Variants in ZNF84 observed in about 807,000 individuals in gnomAD.
ZNF84 encodes the protein zinc finger protein HPF2.
ZNF84 carries 12 observed loss-of-function variants against 14.8 expected under a neutral mutation model. That is an observed-to-expected ratio of 0.81 (90% CI 0.52 to 1.31). The LOEUF is 1.31. Ranked by LOEUF, ZNF84 falls within the 50% of genes most tolerant of loss-of-function variation. The pLI, the probability that ZNF84 is intolerant of heterozygous loss-of-function variation, is 0.00. For missense variants in ZNF84, 859 were observed against 878.6 expected, an observed-to-expected ratio of 0.98 and a Z score of 0.28; for synonymous variants, 347 against 291.1, an observed-to-expected ratio of 1.19 and a Z score of -1.96.
rs1448209124 is a variant in ZNF84 at position 133,054,732 on chromosome 12, A to G, written c.239-2222A>G. 5.3e-5 allele frequency among the ~76,000 whole-genome samples: 8 copies of G among 152,096 alleles called. No homozygotes were observed. The East Asian group carries it at 1.5e-3, about 29-fold the overall frequency. On this transcript the variant is annotated intron_variant, in intron 4 of 4. Transcript: ENST00000539354. ...AGATATGTACAACTATTATTTTTCAATTAAAAATACAATTTTTTTTAAATT... is the reference window on the plus strand; with the variant it reads ...AGATATGTACAACTATTATTTTTCAGTTAAAAATACAATTTTTTTTAAATT...
intron 2 of ZNF84, among the ~76,000 whole-genome samples, chr12:133,043,858 G>A (rs614810): frequency 0.93 from 140,839 of 151,774 alleles, 65,567 homozygotes; most frequent in East Asian, 1. Flanking sequence ...GGTTCGAGCA[G>A]TTCTCCTGCC....
rs1218475125 is a variant in ZNF84, at chr12:133,060,494, ATAGCT to A, written c.*1567_*1571del. The A allele has an allele frequency of 5.9e-5, 9 of 152,210 alleles. No individual in the cohort carries two copies. Among genetic ancestry groups the A allele is most frequent in the African/African-American group, 2.2e-4 (9 of 41,458 alleles). 9.4% of individuals were successfully genotyped at this position (152,210 alleles called of 1,614,324 possible). On this transcript the variant is annotated 3_prime_UTR_variant, in exon 5 of 5. Transcript: ENST00000539354. ...TAATACACCCAACTTACCAAACATC[ATAGCT>A]TAGCGTAGCCTACCTTAAACATTCT...
intron 2 of ZNF84, among the ~76,000 whole-genome samples, chr12:133,046,345 C>T (rs951311795): frequency 2.8e-4 from 33 of 119,782 alleles, no homozygotes; most frequent in African/African-American, 9.9e-4. Context: ...TCAGTCCTCA[C>T]AGTTTTTTTT....
chr12:133,040,963 C>T (rs1344116068), intron 1 of ZNF84: 1 of 153,300 alleles, frequency 6.5e-6, no homozygotes, highest in Non-Finnish European at 1.5e-5. Context: ...AAACTCAAAT[C>T]TGTTTTAATA....
Position 133,058,386 on chromosome 12 carries a change from T to G in ZNF84, c.1671T>G (p.Ser557Arg). Residue 557 changes from serine to arginine, a missense_variant, in exon 5 of 5, where the codon AGT becomes AGG. Transcript: ENST00000539354. Reference protein sequence around the residue: ...ECGKAFGEKSSLATHQRTHTG... With the variant: ...ECGKAFGEKSRLATHQRTHTG... The stretch of plus-strand genomic sequence containing the variant: ...GGAAGGCCTTTGGTGAGAAGTCAAG[T>G]CTTGCAACTCATCAGAGAACTCATA... 1.9e-6 allele frequency: 3 copies of G among 1,612,700 alleles called. No individual in the cohort carries two copies. Among genetic ancestry groups the G allele is most frequent in the East Asian group, 4.5e-5 (2 of 44,722 alleles).
rs1954026820 is a variant in ZNF84, at chr12:133,048,780, T to A, written c.170T>A (p.Ile57Asn). The A allele has an allele frequency of 6.2e-7, 1 of 1,613,722 alleles. No homozygotes were observed. The highest frequency in any genetic ancestry group is 2.2e-5 in the East Asian group (1 of 44,854). Residue 57 changes from isoleucine to asparagine, a missense_variant, in exon 4 of 5, where the codon ATC becomes AAC. Transcript: ENST00000539354. ...TATGAAGTTATGAAACCAGATGTCATCTTCAAATTGGAGCAAGGAGAAGAG... is the reference window on the plus strand; with the variant it reads ...TATGAAGTTATGAAACCAGATGTCAACTTCAAATTGGAGCAAGGAGAAGAG... ...LGYEVMKPDV[I>N]FKLEQGEEPW...
rs1389986594 is a variant in ZNF84, at chr12:133,060,162, CTA to C, written c.*1232_*1233del. 4 of 152,052 alleles carry C rather than the reference CTA, an allele frequency of 2.6e-5. No homozygotes were observed. The highest frequency in any genetic ancestry group is 4.4e-5 in the Non-Finnish European group (3 of 68,006). 9.4% of individuals were successfully genotyped at this position (152,052 alleles called of 1,614,324 possible). On this transcript the variant is annotated 3_prime_UTR_variant, in exon 5 of 5. Coordinates refer to ENST00000539354, the MANE Select transcript of ZNF84 (RefSeq NM_001289971.2). ...TAAGTGATATGTAACCCAAATGTCA[CTA>C]TTTTAATTTACTGTGATAAAGTATC...
Position 133,041,381 on chromosome 12 carries a change from T to C in ZNF84, c.-87T>C. ...CAGTGTAGAAGACCTAGCTGAGACC[T>C]CACTCCACAGTTTTGGGGCAGAAGC... is the stretch of plus-strand genomic sequence containing the variant. On this transcript the variant is annotated 5_prime_UTR_variant, in exon 2 of 5. Transcript: ENST00000539354. 7.3e-7 allele frequency: 1 copy of C among 1,368,246 alleles called. No individual in the cohort carries two copies. The highest frequency in any genetic ancestry group is 1.2e-5 in the South Asian group (1 of 84,738). The allele number at this position is 1,368,246 out of a possible 1,614,324, so 84.8% of individuals were successfully genotyped here. A position where few individuals can be genotyped will look rare whatever the true frequency, so the allele number is the denominator to read the frequency against.
chr12:133,060,953 A>T lies in ZNF84; in HGVS notation c.*2021A>T, dbSNP rs1462225975. The T allele has an allele frequency of 6.6e-6, 1 of 152,164 alleles. No homozygotes were observed. Among genetic ancestry groups the T allele is most frequent in the African/African-American group, 2.4e-5 (1 of 41,456 alleles). 9.4% of individuals were successfully genotyped at this position (152,164 alleles called of 1,614,324 possible). A position where few individuals can be genotyped will look rare whatever the true frequency, so the allele number is the denominator to read the frequency against. On this transcript the variant is annotated 3_prime_UTR_variant, in exon 5 of 5. Coordinates refer to ENST00000539354, the MANE Select transcript of ZNF84 (RefSeq NM_001289971.2). Reference sequence around the variant, plus strand: ...AGAAAAACTCAAGACTTCTCCTTTTATGTTCAAATTGTTGTATCAGTATGG... The same window carrying T: ...AGAAAAACTCAAGACTTCTCCTTTTTTGTTCAAATTGTTGTATCAGTATGG...
rs1377345827 is a variant in ZNF84 at position 133,059,880 on chromosome 12, T to C, written c.*948T>C. 2 of 152,236 alleles carry C rather than the reference T, an allele frequency of 1.3e-5. No homozygotes were observed. Among genetic ancestry groups the C allele is most frequent in the African/African-American group, 4.8e-5 (2 of 41,474 alleles). 9.4% of individuals were successfully genotyped at this position (152,236 alleles called of 1,614,324 possible). On this transcript the variant is annotated 3_prime_UTR_variant, in exon 5 of 5. Transcript: ENST00000539354. Reference sequence around the variant, plus strand: ...ATACATAAGGGGTCTTTTGTTTTTATGGACCTTTCTATTCAGTAACTGAAG... The same window carrying C: ...ATACATAAGGGGTCTTTTGTTTTTACGGACCTTTCTATTCAGTAACTGAAG...
intron 2 of ZNF84, among the ~76,000 whole-genome samples, chr12:133,043,096 C>T (rs1418779563): frequency 6.6e-6 from 1 of 152,186 alleles, no homozygotes; most frequent in African/African-American, 2.4e-5. Context: ...TGTATGCTCA[C>T]TTCTGTCTTC....
chr12:133,050,462 A>G (rs1954052133), intron 4 of ZNF84: 1 of 398,628 alleles, frequency 2.5e-6, no homozygotes, highest in Non-Finnish European at 4.4e-6. Flanking sequence ...GGTAGGAATC[A>G]TGTCAGAGTA....
At chr12:133,040,987 CTG>C (rs2137325234) in intron 1 of ZNF84, 1 of 156,248 alleles carries the variant, frequency 6.4e-6, no homozygotes, top group Non-Finnish European at 1.4e-5. Flanking sequence ...ATCATATAAA[CTG>C]TGTTTTTCCT....
Position 133,058,319 on chromosome 12 carries a change from G to A in ZNF84, c.1604G>A (p.Arg535Lys), listed in dbSNP as rs1954197891. 6.2e-7 allele frequency: 1 copy of A among 1,613,892 alleles called. No individual in the cohort carries two copies. The highest frequency in any genetic ancestry group is 1.3e-5 in the African/African-American group (1 of 74,864). Residue 535 changes from arginine to lysine, a missense_variant, in exon 5 of 5, where the codon AGG (arginine) becomes AAG (lysine). By Grantham distance (26) the Arg-to-Lys change is conservative. Transcript: ENST00000539354. ...AAGTCACATCTCATATCACATCAGA[G>A]GACACATACAGGGGAGAAACCCTAT... ...CQKSHLISHQ[R>K]THTGEKPYEC...
chr12:133,038,969 A>G (rs1339413361), intron 1 of ZNF84: 1 of 152,240 alleles, frequency 6.6e-6, no homozygotes, highest in African/African-American at 2.4e-5. Context: ...ATTGTATGAA[A>G]AATATCACAA....
intron 4 of ZNF84, chr12:133,050,558 C>T (rs1032569097): frequency 1.3e-5 from 5 of 398,512 alleles, no homozygotes; most frequent in African/African-American, 8.2e-5. Flanking sequence ...GCTGCCTGTT[C>T]AGTTATTTCT....
At chr12:133,039,358 G>C (rs1216464708) in intron 1 of ZNF84, among the ~76,000 whole-genome samples, 9 of 152,184 alleles carry the variant, frequency 5.9e-5, no homozygotes, top group African/African-American at 1.9e-4. Flanking sequence ...GGGAATAGGA[G>C]CTGACTCCAG....
rs777391836 is a variant in ZNF84 at position 133,041,351 on chromosome 12, A to G, written c.-117A>G. On this transcript the variant is annotated 5_prime_UTR_variant, in exon 2 of 5. Coordinates refer to ENST00000539354, the MANE Select transcript of ZNF84 (RefSeq NM_001289971.2). ...AAGGAGTTCCTGGAACCAGGAATTCATTCTCAGTGTAGAAGACCTAGCTGA... is the reference window on the plus strand; with the variant it reads ...AAGGAGTTCCTGGAACCAGGAATTCGTTCTCAGTGTAGAAGACCTAGCTGA... 2 of 958,078 alleles carry G rather than the reference A, an allele frequency of 2.1e-6. No homozygotes were observed. Among genetic ancestry groups the G allele is most frequent in the Non-Finnish European group, 3.3e-6 (2 of 604,570 alleles). The allele number at this position is 958,078 out of a possible 1,614,324, so 59.3% of individuals were successfully genotyped here.
At chr12:133,043,110 C>A (rs1953914407) in intron 2 of ZNF84, among the ~76,000 whole-genome samples, 1 of 152,170 alleles carries the variant, frequency 6.6e-6, no homozygotes, top group Non-Finnish European at 1.5e-5. Flanking sequence ...TGTCTTCTTT[C>A]ACTTCACATT....
Sources: gnomAD v4.1 joint callset for allele counts (sites outside exome capture counted in the v4.1 genomes callset) on GRCh38, gnomAD v4.1.1 for gene constraint, MANE v1.5 for transcripts, NCBI Gene and HGNC (gene_info 2026-07-23, HGNC 2026-07-21) for gene names.